Variants in LEPR observed in about 807,000 individuals in gnomAD.
LEPR encodes the protein OB receptor.
LEPR carries 56 observed loss-of-function variants against 114.7 expected under a neutral mutation model. That is an observed-to-expected ratio of 0.49 (90% CI 0.39 to 0.61). The LOEUF is 0.61. Among genes scored for constraint, LEPR ranks in the 20% least tolerant of loss-of-function variants. The pLI is 0.00. For synonymous variants in LEPR, 443 were observed against 461.4 expected (o/e 0.96, Z 0.51); for missense variants, 1,202 against 1,352.9 (o/e 0.89, Z 1.75).
intron 3 of LEPR, among the ~76,000 whole-genome samples, chr1:65,569,283 A>G (rs1046735053): frequency 4.6e-5 from 7 of 152,232 alleles, no homozygotes; most frequent in African/African-American, 1.7e-4. Flanking sequence ...TTTCATACAA[A>G]TCCATACAAG....
At position 65,433,878 on chromosome 1, in the gene LEPR, G is replaced by A. The variant is rs534960076; in HGVS notation, c.-21+8500G>A. 1.7e-5 allele frequency: 17 copies of A among 985,308 alleles called. No individual in the cohort carries two copies. In the African/African-American group the frequency reaches 2.3e-4, roughly 13 times the overall value. The allele number at this position is 985,308 out of a possible 1,614,324, so 61.0% of individuals were successfully genotyped here. A position where few individuals can be genotyped will look rare whatever the true frequency, so the allele number is the denominator to read the frequency against. ...AACAAAAATGAGAGAATTTCTTGAT[G>A]TTTTAAAATGGGCAGTTTTGAGCAA... is the stretch of plus-strand genomic sequence containing the variant. On this transcript the variant is annotated intron_variant, in intron 2 of 19. Coordinates refer to ENST00000349533, the MANE Select transcript of LEPR (RefSeq NM_002303.6).
intron 14 of LEPR, among the ~76,000 whole-genome samples, chr1:65,614,290 C>G (rs182183401): frequency 1.1e-3 from 170 of 152,272 alleles, no homozygotes; most frequent in Non-Finnish European, 2.0e-3. Flanking sequence ...AACTTCATAG[C>G]ACAAAGAGTG....
At chr1:65,496,183 ATG>A (rs1264668817) in intron 2 of LEPR, among the ~76,000 whole-genome samples, 5 of 152,200 alleles carry the variant, frequency 3.3e-5, no homozygotes, top group East Asian at 3.8e-4. Context: ...TACAATTATT[ATG>A]TGTCAATCAA....
intron 2 of LEPR, among the ~76,000 whole-genome samples, chr1:65,480,800 T>C (rs1647217310): frequency 6.6e-6 from 1 of 152,014 alleles, no homozygotes; most frequent in African/African-American, 2.4e-5. Flanking sequence ...GGAGGTCTGG[T>C]TCACTCTTAA....
In LEPR at chr1:65,525,789, C is replaced by T. The variant is rs547732163; in HGVS notation, c.-20-39757C>T. 2.6e-4 allele frequency: 261 copies of T among 986,186 alleles called. 2 individuals carry two copies. Among genetic ancestry groups the T allele is most frequent in the Middle Eastern group, 1.6e-3 (3 of 1,914 alleles). The allele number at this position is 986,186 out of a possible 1,614,324, so 61.1% of individuals were successfully genotyped here. A position where few individuals can be genotyped will look rare whatever the true frequency, so the allele number is the denominator to read the frequency against. ...AGCCCCGGCGCCGCCGCCATCTCTGCCTTCGGTCGAGTTGGACCCCCGGAT... is the reference window on the plus strand; with the variant it reads ...AGCCCCGGCGCCGCCGCCATCTCTGTCTTCGGTCGAGTTGGACCCCCGGAT... On this transcript the variant is annotated intron_variant, in intron 2 of 19. Coordinates refer to ENST00000349533, the MANE Select transcript of LEPR (RefSeq NM_002303.6).
At chr1:65,438,307 T>C (rs1478309842) in intron 2 of LEPR, among the ~76,000 whole-genome samples, 2 of 151,648 alleles carry the variant, frequency 1.3e-5, no homozygotes, top group Non-Finnish European at 2.9e-5. Context: ...ATCCCAGCAC[T>C]TTGGGAGGCC....
At chr1:65,435,753 CA>C in intron 2 of LEPR, 1 of 984,162 alleles carries the variant, frequency 1.0e-6, no homozygotes, top group Non-Finnish European at 1.2e-6. Context: ...ATTTTCCAAG[CA>C]TAGTAATTAG....
chr1:65,548,633 C>T (rs992337797), intron 2 of LEPR, among the ~76,000 whole-genome samples: 17 of 152,212 alleles, frequency 1.1e-4, no homozygotes, highest in East Asian at 5.8e-4. Flanking sequence ...ATTGCAACCC[C>T]GGTCTTTTTT....
Position 65,599,532 on chromosome 1 carries a change from A to G in LEPR, c.994+728A>G, listed in dbSNP as rs564563500. ...CAAGTTTACTTGTTGATTGCTTACTATTTTAAAAGCATTGATTCGTCAAAA... is the reference window on the plus strand; with the variant it reads ...CAAGTTTACTTGTTGATTGCTTACTGTTTTAAAAGCATTGATTCGTCAAAA... On this transcript the variant is annotated intron_variant, in intron 8 of 19. Transcript: ENST00000349533. Among the ~76,000 whole-genome samples the G allele has an allele frequency of 3.3e-5, 5 of 152,268 alleles. No homozygotes were observed. In the South Asian group the frequency reaches 8.3e-4, roughly 25 times the overall value.
chr1:65,549,560 A>C (rs932154298), intron 2 of LEPR, among the ~76,000 whole-genome samples: 60 of 151,464 alleles, frequency 4.0e-4, no homozygotes, highest in Admixed American at 7.9e-4. Flanking sequence ...CATTTCATTC[A>C]TTTCATCTTC....
At chr1:65,594,803 G>C (rs546452427) in intron 6 of LEPR, among the ~76,000 whole-genome samples, 1 of 152,024 alleles carries the variant, frequency 6.6e-6, no homozygotes, top group African/African-American at 2.4e-5. Context: ...AAGAATGAAG[G>C]AGTAAAAGAG....
At chr1:65,616,353 C>T (rs1211784302) in intron 15 of LEPR, 129 bp downstream of exon 15, 1 of 988,192 alleles carries the variant, frequency 1.0e-6, no homozygotes, top group Non-Finnish European at 1.5e-6. Context: ...TTTCACCTTT[C>T]ATTTCCTTTG....
intron 15 of LEPR, among the ~76,000 whole-genome samples, chr1:65,616,457 A>T (rs1657529149): frequency 6.6e-6 from 1 of 152,184 alleles, no homozygotes; most frequent in South Asian, 2.1e-4. Context: ...GTGTTATAAT[A>T]TATGAGAATG....
At chr1:65,630,225 T>A in intron 19 of LEPR, 1 of 347,118 alleles carries the variant, frequency 2.9e-6, no homozygotes, top group Non-Finnish European at 5.6e-6. Flanking sequence ...GCATGTTCGT[T>A]AAGAGTCATC....
chr1:65,461,898 C>T (rs1023238184), intron 2 of LEPR, among the ~76,000 whole-genome samples: 3 of 152,172 alleles, frequency 2.0e-5, no homozygotes, highest in Non-Finnish European at 4.4e-5. Context: ...TCAGCCTAAT[C>T]GTGAAAAAAT....
At chr1:65,431,876 T>G in intron 2 of LEPR, 1 of 1,614,132 alleles carries the variant, frequency 6.2e-7, no homozygotes, top group Non-Finnish European at 8.5e-7. Context: ...GGGTTTTTCC[T>G]TATATTTGGA....
chr1:65,575,585 A>T (rs1215783345), intron 5 of LEPR, among the ~76,000 whole-genome samples: 1 of 151,558 alleles, frequency 6.6e-6, no homozygotes, highest in Non-Finnish European at 1.5e-5. Flanking sequence ...GTTAAACATA[A>T]TGTAGATTCA....
rs1254588540 is a variant in LEPR at position 65,435,062 on chromosome 1, C to T, written c.-21+9684C>T. 2.2e-5 allele frequency: 22 copies of T among 985,260 alleles called. No individual in the cohort carries two copies. In the South Asian group the frequency reaches 2.8e-4, roughly 13 times the overall value. The allele number at this position is 985,260 out of a possible 1,614,324, so 61.0% of individuals were successfully genotyped here. The stretch of plus-strand genomic sequence containing the variant: ...TTCTCATTCACAGAGAATGGGAGAA[C>T]GGAATGAAGAAAGATTCCAGCAGCT... On this transcript the variant is annotated intron_variant, in intron 2 of 19. Transcript: ENST00000349533.
intron 1 of LEPR, chr1:65,421,441 C>CA: frequency 1.3e-6 from 2 of 1,536,078 alleles, no homozygotes; most frequent in South Asian, 2.4e-5. Context: ...AGGTTTTTTG[C>CA]AAGGCTTCCT....
Sources: gnomAD v4.1 joint callset for allele counts (sites outside exome capture counted in the v4.1 genomes callset) on GRCh38, gnomAD v4.1.1 for gene constraint, MANE v1.5 for transcripts, NCBI Gene and HGNC (gene_info 2026-07-23, HGNC 2026-07-21) for gene names.